Variants in TEP1 observed in about 807,000 individuals in gnomAD.
TEP1 encodes telomerase protein component 1.
In TEP1, 241 loss-of-function variants were observed where a neutral mutation model predicts 306.3. That is an observed-to-expected ratio of 0.79 (90% CI 0.71 to 0.88). TEP1 has a LOEUF of 0.88. Among genes scored for constraint, TEP1 ranks in the 40% least tolerant of loss-of-function variants. TEP1 has a pLI of 0.00. For synonymous variants in TEP1, 1,289 were observed against 1,305.5 expected (o/e 0.99, Z 0.27); for missense variants, 3,051 against 3,276.1 (o/e 0.93, Z 1.68).
chr14:20,384,929 C>A, intron 21 of TEP1, 56 bp downstream of exon 21: 1 of 1,611,812 alleles, frequency 6.2e-7, no homozygotes, highest in Non-Finnish European at 8.5e-7. Flanking sequence ...GGAGAGAAGA[C>A]TGGCCTGTCT....
At position 20,403,840 on chromosome 14, in the gene TEP1, G is replaced by A. The variant is rs762818870; in HGVS notation, c.1077C>T (p.Ala359=). The A allele has an allele frequency of 1.2e-6, 2 of 1,614,182 alleles. No individual in the cohort carries two copies. The highest frequency in any genetic ancestry group is 1.7e-6 in the Non-Finnish European group (2 of 1,180,034). The stretch of plus-strand genomic sequence containing the variant: ...TGTCCGTCATGGCAGTACGGAGACA[G>A]GCGGGCAGGGGCACCAGCTTATTCT... ...GDKNKLVPLP[A]CLRTAMTDKF... is the part of the protein sequence containing the mutation. Residue 359 remains alanine (A), a synonymous_variant, in exon 6 of 55, where the codon GCC becomes GCT. Coordinates refer to ENST00000262715, the MANE Select transcript of TEP1 (RefSeq NM_007110.5).
intron 9 of TEP1, among the ~76,000 whole-genome samples, chr14:20,399,718 A>G (rs1261248011): frequency 6.6e-6 from 1 of 151,868 alleles, no homozygotes; most frequent in South Asian, 2.1e-4. Flanking sequence ...TGATTAAAAA[A>G]AAGAAACACT....
chr14:20,373,459 C>T (rs567450326), intron 46 of TEP1, 48 bp downstream of exon 46: 14 of 1,613,946 alleles, frequency 8.7e-6, no homozygotes, highest in Middle Eastern at 1.7e-4. Flanking sequence ...AAGGTTATTC[C>T]GCATACCTTC....
At chr14:20,395,827 G>A (rs1413734623) in intron 11 of TEP1, 32 bp downstream of exon 11, 1 of 1,596,202 alleles carries the variant, frequency 6.3e-7, no homozygotes, top group Non-Finnish European at 8.6e-7. Flanking sequence ...GATGTGGGAG[G>A]CAAAGAGGAG....
At position 20,380,499 on chromosome 14, in the gene TEP1, A is replaced by C. The variant is rs572255011; in HGVS notation, c.4763-24T>G. 8.8e-5 allele frequency: 141 copies of C among 1,598,104 alleles called. 1 individual carries two copies. Among genetic ancestry groups the C allele is most frequent in the Non-Finnish European group, 1.0e-4 (121 of 1,174,444 alleles). ...AGCTATAAAAGGGTGGCAGAATGTC[A>C]CTGGGGAGCCAGCTGGACCCCATTA... On this transcript the variant is annotated intron_variant, in intron 33 of 54. Coordinates refer to ENST00000262715, the MANE Select transcript of TEP1 (RefSeq NM_007110.5).
intron 42 of TEP1, 96 bp downstream of exon 42, chr14:20,376,008 C>T (rs1885151566): frequency 4.5e-6 from 7 of 1,542,760 alleles, no homozygotes; most frequent in Non-Finnish European, 6.2e-6. Flanking sequence ...TTTGGCAAAA[C>T]AAAAAGCAGG....
chr14:20,398,033 G>A (rs952121773), intron 9 of TEP1, among the ~76,000 whole-genome samples: 7 of 151,760 alleles, frequency 4.6e-5, no homozygotes, highest in East Asian at 1.9e-4. Context: ...GATTACAGGC[G>A]TGAGCCACCA....
At chr14:20,390,027 A>C (rs1456816255) in intron 15 of TEP1, among the ~76,000 whole-genome samples, 2 of 152,198 alleles carry the variant, frequency 1.3e-5, no homozygotes, top group African/African-American at 4.8e-5. Flanking sequence ...GGACATTATT[A>C]AACATTAAAT....
In TEP1 at chr14:20,383,805, T is replaced by G; in HGVS notation, c.3648A>C (p.Arg1216Ser). 1 of 1,610,190 alleles carries G rather than the reference T, an allele frequency of 6.2e-7. No individual in the cohort carries two copies. The highest frequency in any genetic ancestry group is 8.5e-7 in the Non-Finnish European group (1 of 1,179,342). ...GGCCACGCAGATAGGTACAGAGGCG[T>G]CTGAGCAGAGTGAGGGCAAGACCCT... ...PDQGLALTLL[R>S]RLCTYLRGQL... Residue 1216 changes from arginine to serine, a missense_variant, in exon 25 of 55, where the codon AGA (arginine) becomes AGC (serine). This residue lies in a region of TEP1 where 1,507 missense variants were observed against 1,550.5 expected (regional missense o/e 0.97). Transcript: ENST00000262715.
intron 6 of TEP1, 41 bp downstream of exon 6, chr14:20,403,682 G>A (rs748513886): frequency 1.2e-6 from 2 of 1,612,056 alleles, no homozygotes; most frequent in African/African-American, 1.3e-5. Context: ...GCCCTTCCTG[G>A]AGAAAAGGGG....
At chr14:20,386,858 A>G (rs1404238193) in intron 18 of TEP1, among the ~76,000 whole-genome samples, 2 of 151,952 alleles carry the variant, frequency 1.3e-5, no homozygotes, top group African/African-American at 4.8e-5. Flanking sequence ...AATCATTTTT[A>G]TATACTTACT....
In TEP1 at chr14:20,384,242, A is replaced by C. The variant is rs1414510605; in HGVS notation, c.3340-10T>G. 6.2e-7 allele frequency: 1 copy of C among 1,612,880 alleles called. No homozygotes were observed. On this transcript the variant is annotated splice_polypyrimidine_tract_variant and intron_variant, in intron 23 of 54. Coordinates refer to ENST00000262715, the MANE Select transcript of TEP1 (RefSeq NM_007110.5). ...CCAGCAGGGCCCCAGGCTGAGGGTA[A>C]ATGGGTCAGTGACTATCCATGGTGC... is the stretch of plus-strand genomic sequence containing the variant.
chr14:20,382,426 A>AAGGGGC, intron 28 of TEP1, 70 bp from the exon 29 acceptor site: 1 of 1,562,332 alleles, frequency 6.4e-7, no homozygotes. Flanking sequence ...TGGGATAGGG[A>AAGGGGC]AGGGGCAGCA....
Position 20,366,888 on chromosome 14 carries a change from C to A in TEP1, c.*1549G>T, listed in dbSNP as rs1359340299. ...TAAAGTCAGTGGTTTCAATCTTTTG[C>A]CTTTTGCTCTCCTAAAAGCATGGGC... On this transcript the variant is annotated 3_prime_UTR_variant, in exon 55 of 55. Coordinates refer to ENST00000262715, the MANE Select transcript of TEP1 (RefSeq NM_007110.5). 6.6e-6 allele frequency: 1 copy of A among 152,150 alleles called. No individual in the cohort carries two copies. Among genetic ancestry groups the A allele is most frequent in the Non-Finnish European group, 1.5e-5 (1 of 68,018 alleles). The allele number at this position is 152,150 out of a possible 1,614,324, so 9.4% of individuals were successfully genotyped here. A position where few individuals can be genotyped will look rare whatever the true frequency, so the allele number is the denominator to read the frequency against.
chr14:20,395,930 C>T lies in TEP1; in HGVS notation c.1679G>A (p.Arg560Gln), dbSNP rs751222200. ...LQHAKSVIHS[R>Q]QFPFRFLNAH... ...GTTAAGAAATCTGAATGGAAACTGC[C>T]GACTGTGGATCACCGACTTCTAGAA... Residue 560 changes from arginine (R) to glutamine (Q), a missense_variant, in exon 11 of 55, where the codon CGG becomes CAG. This residue lies in a region of TEP1 where 1,507 missense variants were observed against 1,550.5 expected (regional missense o/e 0.97). Coordinates refer to ENST00000262715, the MANE Select transcript of TEP1 (RefSeq NM_007110.5). 19 of 1,613,858 alleles carry T rather than the reference C, an allele frequency of 1.2e-5. No individual in the cohort carries two copies. The highest frequency in any genetic ancestry group is 1.7e-5 in the Admixed American group (1 of 59,998).
chr14:20,377,539 A>AG, intron 40 of TEP1, 47 bp from the exon 41 acceptor site: 1 of 1,612,378 alleles, frequency 6.2e-7, no homozygotes, highest in Non-Finnish European at 8.5e-7. Context: ...GGGAAGGGGT[A>AG]GGGGGCAGGG....
intron 3 of TEP1, 63 bp from the exon 4 acceptor site, chr14:20,405,648 A>C (rs1408931845): frequency 1.9e-6 from 3 of 1,574,072 alleles, no homozygotes. Flanking sequence ...TTAAGCATCC[A>C]TGCAGACTAA....
rs1204519068 is a variant in TEP1 at position 20,366,107 on chromosome 14, A to G, written c.*2330T>C. ...CTAGAAGCTGTTCTTGACTTTACTC[A>G]TAACAATTATACCATGACCTCACTG... On this transcript the variant is annotated 3_prime_UTR_variant, in exon 55 of 55. Coordinates refer to ENST00000262715, the MANE Select transcript of TEP1 (RefSeq NM_007110.5). The G allele has an allele frequency of 2.0e-5, 3 of 152,250 alleles. No homozygotes were observed. Among genetic ancestry groups the G allele is most frequent in the Admixed American group, 2.0e-4 (3 of 15,288 alleles). The allele number at this position is 152,250 out of a possible 1,614,324, so 9.4% of individuals were successfully genotyped here. A position where few individuals can be genotyped will look rare whatever the true frequency, so the allele number is the denominator to read the frequency against.
At chr14:20,374,377 C>T in intron 44 of TEP1, 52 bp downstream of exon 44, 4 of 1,351,080 alleles carry the variant, frequency 3.0e-6, no homozygotes, top group African/African-American at 1.5e-5. Context: ...TCTCCCAAAG[C>T]CCCCTTAGCC....
Sources: gnomAD v4.1 joint callset for allele counts (sites outside exome capture counted in the v4.1 genomes callset) on GRCh38, gnomAD v4.1.1 for gene constraint, gnomAD v4.1.1 regional missense constraint, MANE v1.5 for transcripts, NCBI Gene and HGNC (gene_info 2026-07-23, HGNC 2026-07-21) for gene names.